PEAR1: variants seen among roughly 807,000 people sequenced by gnomAD.
PEAR1 encodes multiple EGF-like domains protein 12.
A neutral mutation model predicts 131.2 loss-of-function variants in PEAR1; 113 were observed. The ratio of observed to expected loss-of-function variants is 0.86; its 90% CI spans 0.74 to 1.01. PEAR1 has a LOEUF of 1.01. Among genes scored for constraint, PEAR1 ranks in the 50% least tolerant of loss-of-function variants. The pLI is 0.00. For synonymous variants in PEAR1, 565 were observed against 523.3 expected (o/e 1.08, Z -1.09); for missense variants, 1,408 against 1,391.1 (o/e 1.01, Z -0.19).
In PEAR1 at chr1:156,906,776, T is replaced by C. The variant is rs1291802498; in HGVS notation, c.540T>C (p.Pro180=). The change falls in exon 6 of 23, where the codon CCT becomes CCC. Residue 180 remains proline (P), a synonymous_variant. Transcript: ENST00000292357. ...CGAACTGCCTTCAGCCCTGTACCCC[T>C]GGCTACTATGGCCCTGCCTGCCAGT... ...QPPNCLQPCT[P]GYYGPACQFR... The C allele has an allele frequency of 6.2e-7, 1 of 1,614,206 alleles. No individual in the cohort carries two copies. Among genetic ancestry groups the C allele is most frequent in the Admixed American group, 1.7e-5 (1 of 60,034 alleles).
At position 156,902,513 on chromosome 1, in the gene PEAR1, T is replaced by C. The variant is rs1649788890; in HGVS notation, c.-9-1405T>C. Among the ~76,000 whole-genome samples the C allele has an allele frequency of 6.6e-6, 1 of 151,510 alleles. No homozygotes were observed. Among genetic ancestry groups the C allele is most frequent in the Non-Finnish European group, 1.5e-5 (1 of 67,860 alleles). ...AGGAACATGGGCGGCTGAGATGGGG[T>C]TAATTTAGGAGCCTAGACCTGGAGG... is the stretch of plus-strand genomic sequence containing the variant. On this transcript the variant is annotated intron_variant, in intron 1 of 22. Coordinates refer to ENST00000292357, the MANE Select transcript of PEAR1 (RefSeq NM_001080471.3). The surrounding 1 kb of genome is among the most constrained non-coding windows in gnomAD (Gnocchi z 4.3).
Position 156,910,252 on chromosome 1 carries a change from C to T in PEAR1, c.1697C>T (p.Ser566Phe). Residue 566 changes from serine (S) to phenylalanine (F), a missense_variant, in exon 14 of 23, where the codon TCC becomes TTC. Transcript: ENST00000292357. The stretch of plus-strand genomic sequence containing the variant: ...CCCACAGGTGCCCGCTGCCACCTGT[C>T]CTGCCCTGAGGGCTTATGGGGAGTC... Reference protein sequence around the residue: ...AGWMGARCHLSCPEGLWGVNC... With the variant: ...AGWMGARCHLFCPEGLWGVNC... 1 of 1,612,454 alleles carries T rather than the reference C, an allele frequency of 6.2e-7. No individual in the cohort carries two copies. Among genetic ancestry groups the T allele is most frequent in the Middle Eastern group, 1.7e-4 (1 of 6,050 alleles).
chr1:156,907,566 T>G (rs780389632), intron 6 of PEAR1, 44 bp from the exon 7 acceptor site: 9 of 1,579,152 alleles, frequency 5.7e-6, no homozygotes, highest in Non-Finnish European at 7.8e-6. Flanking sequence ...GAGGAAGCAG[T>G]TATTGCTTGT....
At chr1:156,903,859 A>T in intron 1 of PEAR1, 59 bp from the exon 2 acceptor site, 1 of 1,380,182 alleles carries the variant, frequency 7.2e-7, no homozygotes, top group East Asian at 2.3e-5. Context: ...CTCTGCAGAC[A>T]GGTCCTCCAG....
intron 7 of PEAR1, 70 bp downstream of exon 7, chr1:156,907,800 G>A: frequency 5.7e-6 from 9 of 1,566,206 alleles, no homozygotes; most frequent in Non-Finnish European, 7.8e-6. Context: ...TGCTAAGCAG[G>A]GCTCCAAGGT....
At position 156,914,964 on chromosome 1, in the gene PEAR1, C is replaced by T; in HGVS notation, c.*166C>T. The T allele has an allele frequency of 1.3e-6, 1 of 740,996 alleles. No homozygotes were observed. 45.9% of individuals were successfully genotyped at this position (740,996 alleles called of 1,614,324 possible). A position where few individuals can be genotyped will look rare whatever the true frequency, so the allele number is the denominator to read the frequency against. On this transcript the variant is annotated 3_prime_UTR_variant, in exon 23 of 23. Coordinates refer to ENST00000292357, the MANE Select transcript of PEAR1 (RefSeq NM_001080471.3). The stretch of plus-strand genomic sequence containing the variant: ...ATGGGAGCCTTGTTCCTGGGTTCTA[C>T]CATGGGAGACGCTGATCAGCAGGAT...
intron 15 of PEAR1, 122 bp downstream of exon 15, chr1:156,910,865 T>G: frequency 7.3e-7 from 1 of 1,366,814 alleles, no homozygotes; most frequent in Non-Finnish European, 1.0e-6. Flanking sequence ...AGTAAATATT[T>G]ACTGGGCACC....
chr1:156,900,755 A>G (rs1018158899), intron 1 of PEAR1, among the ~76,000 whole-genome samples: 7 of 152,134 alleles, frequency 4.6e-5, no homozygotes, highest in Non-Finnish European at 1.0e-4. Flanking sequence ...CCTCTGCATG[A>G]GAAGAAGCAA....
At position 156,909,996 on chromosome 1, in the gene PEAR1, C is replaced by T. The variant is rs749168965; in HGVS notation, c.1576-10C>T. 28 of 1,613,284 alleles carry T rather than the reference C, an allele frequency of 1.7e-5. No homozygotes were observed. Among genetic ancestry groups the T allele is most frequent in the Non-Finnish European group, 2.3e-5 (27 of 1,180,028 alleles). On this transcript the variant is annotated splice_polypyrimidine_tract_variant and intron_variant, in intron 12 of 22. Coordinates refer to ENST00000292357, the MANE Select transcript of PEAR1 (RefSeq NM_001080471.3). ...TGACTGGCCTACCTGCTCCCCACTC[C>T]TTCTCCAAGAAGGGGCAGTTTGGAG...
In PEAR1 at chr1:156,907,022, A is replaced by G. The variant is rs1650407246; in HGVS notation, c.644+142A>G. 7.0e-6 allele frequency: 9 copies of G among 1,279,526 alleles called. No individual in the cohort carries two copies. The South Asian group carries it at 7.6e-5, about 11-fold the overall frequency. 79.3% of individuals were successfully genotyped at this position (1,279,526 alleles called of 1,614,324 possible). The stretch of plus-strand genomic sequence containing the variant: ...CAAGATCCTGGTCCCAGTGGATCCT[A>G]TTCCTCACGAGTGGAGTGACCTTGA... On this transcript the variant is annotated intron_variant, in intron 6 of 22. Transcript: ENST00000292357.
At chr1:156,914,488 G>T (rs562626783) in intron 22 of PEAR1, among the ~76,000 whole-genome samples, 159 bp from the exon 23 acceptor site, 1 of 152,312 alleles carries the variant, frequency 6.6e-6, no homozygotes, top group Non-Finnish European at 1.5e-5. Flanking sequence ...GCTTGGAGCC[G>T]CACGGCCAGC....
At chr1:156,898,450 G>A (rs1366286387) in intron 1 of PEAR1, among the ~76,000 whole-genome samples, 3 of 152,162 alleles carry the variant, frequency 2.0e-5, no homozygotes, top group East Asian at 1.9e-4. Flanking sequence ...CTGGCGTGCC[G>A]AGGGCCTGGC....
Position 156,907,980 on chromosome 1 carries a change from C to T in PEAR1, c.831C>T (p.Arg277=), listed in dbSNP as rs756260266. 2.2e-5 allele frequency: 34 copies of T among 1,578,124 alleles called. No individual in the cohort carries two copies. The highest frequency in any genetic ancestry group is 2.9e-5 in the Non-Finnish European group (34 of 1,161,114). ...GACCCAACTGCTCCCAGGAATGTCGCTGCCACAACGGCGGCCTCTGTGACC... is the reference window on the plus strand; with the variant it reads ...GACCCAACTGCTCCCAGGAATGTCGTTGCCACAACGGCGGCCTCTGTGACC... ...FHGPNCSQEC[R]CHNGGLCDRF... The change falls in exon 8 of 23, where the codon CGC becomes CGT. Residue 277 remains arginine (R), a synonymous_variant. Coordinates refer to ENST00000292357, the MANE Select transcript of PEAR1 (RefSeq NM_001080471.3).
At position 156,910,366 on chromosome 1, in the gene PEAR1, C is replaced by T. The variant is rs1021333163; in HGVS notation, c.1811C>T (p.Pro604Leu). 1 of 1,598,710 alleles carries T rather than the reference C, an allele frequency of 6.3e-7. No homozygotes were observed. Among genetic ancestry groups the T allele is most frequent in the Non-Finnish European group, 8.5e-7 (1 of 1,172,248 alleles). Residue 604 changes from proline to leucine, a missense_variant, in exon 14 of 23, where the codon CCC becomes CTC. Transcript: ENST00000292357. ...NCVCAPGFRG[P>L]SCQRSCQPGR... ...GTGTGTGCACCCGGATTCCGGGGCC[C>T]CTCCTGCCAGAGATGTGAGGCTCCC...
intron 15 of PEAR1, among the ~76,000 whole-genome samples, chr1:156,911,087 T>TTCTTTCTG (rs1553269271): frequency 3.5e-5 from 5 of 141,080 alleles, no homozygotes; most frequent in Non-Finnish European, 4.5e-5. Flanking sequence ...CTTTCTTTCT[T>TTCTTTCTG]TCTTTCCTTT....
Position 156,910,636 on chromosome 1 carries a change from A to G in PEAR1, c.1844A>G (p.Tyr615Cys). 4 of 1,614,060 alleles carry G rather than the reference A, an allele frequency of 2.5e-6. No homozygotes were observed. Among genetic ancestry groups the G allele is most frequent in the Non-Finnish European group, 3.4e-6 (4 of 1,180,016 alleles). ...SCQRSCQPGRYGKRCVPCKCA... is the reference protein window; with the variant it reads ...SCQRSCQPGRCGKRCVPCKCA... ...CCCCCAGCCTGTCAGCCTGGCCGCTATGGCAAACGCTGTGTGCCCTGCAAG... is the reference window on the plus strand; with the variant it reads ...CCCCCAGCCTGTCAGCCTGGCCGCTGTGGCAAACGCTGTGTGCCCTGCAAG... The change falls in exon 15 of 23, where the codon TAT (tyrosine) becomes TGT (cysteine). Residue 615 changes from tyrosine (Y) to cysteine (C), a missense_variant. Physicochemically the swap from Tyr to Cys is radical, Grantham distance 194. Transcript: ENST00000292357.
intron 6 of PEAR1, 57 bp downstream of exon 6, chr1:156,906,937 T>A (rs735953): frequency 1.3e-6 from 2 of 1,556,144 alleles, no homozygotes; most frequent in African/African-American, 1.4e-5. Flanking sequence ...GCCACACAGA[T>A]CTATGTGGGG....
rs1372840932 is a variant in PEAR1 at position 156,902,275 on chromosome 1, G to C, written c.-9-1643G>C. 6.5e-6 allele frequency: 1 copy of C among 152,672 alleles called. No individual in the cohort carries two copies. The highest frequency in any genetic ancestry group is 2.4e-5 in the African/African-American group (1 of 41,468). 9.5% of individuals were successfully genotyped at this position (152,672 alleles called of 1,614,324 possible). A position where few individuals can be genotyped will look rare whatever the true frequency, so the allele number is the denominator to read the frequency against. On this transcript the variant is annotated intron_variant, in intron 1 of 22. Coordinates refer to ENST00000292357, the MANE Select transcript of PEAR1 (RefSeq NM_001080471.3). This position sits in a 1 kb window ranked among gnomAD's most constrained non-coding sequence, Gnocchi z 4.3. Reference sequence around the variant, plus strand: ...AGGCCCCAGGGCTGAGCTGTGGGCAGGCCCCACCTGGTGAGTTACTTGGGG... The same window carrying C: ...AGGCCCCAGGGCTGAGCTGTGGGCACGCCCCACCTGGTGAGTTACTTGGGG...
rs773379432 is a variant in PEAR1, at chr1:156,912,808, G to A, written c.2248G>A (p.Val750Ile). 1.2e-6 allele frequency: 2 copies of A among 1,614,240 alleles called. No individual in the cohort carries two copies. The change falls in exon 18 of 23, where the codon GTA becomes ATA. Residue 750 changes from valine to isoleucine, a missense_variant. Physicochemically the swap from Val to Ile is conservative, Grantham distance 29. Coordinates refer to ENST00000292357, the MANE Select transcript of PEAR1 (RefSeq NM_001080471.3). Reference sequence around the variant, plus strand: ...CTTTACTGTGATGCCGACCACTCCAGTAGCGTATAACTCGCTGGGTGCAGT... The same window carrying A: ...CTTTACTGTGATGCCGACCACTCCAATAGCGTATAACTCGCTGGGTGCAGT... ...EPFTVMPTTP[V>I]AYNSLGAVIG...
Sources: allele counts gnomAD v4.1 joint callset (sites outside exome capture counted in the v4.1 genomes callset), GRCh38; gene constraint gnomAD v4.1.1; non-coding constraint Gnocchi (gnomAD v3.1); transcripts MANE v1.5; gene names NCBI Gene and HGNC (gene_info 2026-07-23, HGNC 2026-07-21).